The following SMAD1 variants were observed in gnomAD, a reference collection of about 807,000 sequenced individuals.
SMAD1 encodes MAD, mothers against decapentaplegic homolog 1.
A neutral mutation model predicts 41.6 loss-of-function variants in SMAD1; 6 were observed. That is an observed-to-expected ratio of 0.14 (90% CI 0.08 to 0.28). The LOEUF (loss-of-function observed/expected upper bound fraction) is 0.28. SMAD1 is among the 10% of genes least tolerant of loss of function. SMAD1 has a pLI of 1.00. For missense variants in SMAD1, 379 were observed against 582.6 expected (o/e 0.65, Z 3.60); for synonymous variants, 206 against 203.2 (o/e 1.01, Z -0.12).
intron 1 of SMAD1, among the ~76,000 whole-genome samples, chr4:145,486,769 T>C (rs1458403317): frequency 6.6e-6 from 1 of 152,218 alleles, no homozygotes; most frequent in Admixed American, 6.5e-5. Flanking sequence ...TTGGTTCATA[T>C]CAAGGTGAAC....
intron 6 of SMAD1, among the ~76,000 whole-genome samples, chr4:145,556,613 C>T (rs759667778): frequency 4.6e-5 from 7 of 151,994 alleles, no homozygotes; most frequent in Admixed American, 2.0e-4. Context: ...GTGTGGCCAC[C>T]GCACCCAGCT....
At position 145,553,940 on chromosome 4, in the gene SMAD1, A is replaced by G. The variant is rs1732697247; in HGVS notation, c.1154A>G (p.Asn385Ser). ...GGGTGTAGTCTGAAAATTTTTAACA[A>G]CCAAGAATTTGCTCAGTTATTGGCA... is the stretch of plus-strand genomic sequence containing the variant. ...PSGCSLKIFN[N>S]QEFAQLLAQS... Residue 385 changes from asparagine (N) to serine (S), a missense_variant, in exon 6 of 7, where the codon AAC becomes AGC. By Grantham distance (46) the Asn-to-Ser change is conservative (BLOSUM62 1). Around this residue, in one of 3 missense-constraint regions of SMAD1, gnomAD observed 107 missense variants for 218.3 expected, o/e 0.49. Coordinates refer to ENST00000302085, the MANE Select transcript of SMAD1 (RefSeq NM_005900.3). 1 of 1,613,974 alleles carries G rather than the reference A, an allele frequency of 6.2e-7. No homozygotes were observed.
intron 2 of SMAD1, among the ~76,000 whole-genome samples, chr4:145,534,966 C>T (rs932714454): frequency 6.6e-6 from 1 of 150,402 alleles, no homozygotes; most frequent in East Asian, 2.0e-4. Context: ...GTAAAATATC[C>T]ACAACATATA....
At chr4:145,495,810 A>G (rs548774164) in intron 1 of SMAD1, among the ~76,000 whole-genome samples, 2 of 143,630 alleles carry the variant, frequency 1.4e-5, no homozygotes, top group East Asian at 4.0e-4. Flanking sequence ...AATAAAGGCT[A>G]TGTTGCCCAG....
At chr4:145,494,024 T>A (rs1728919684) in intron 1 of SMAD1, among the ~76,000 whole-genome samples, 1 of 152,168 alleles carries the variant, frequency 6.6e-6, no homozygotes, top group Non-Finnish European at 1.5e-5. Flanking sequence ...TGCAGTGGCG[T>A]GATCTTGGCT....
intron 6 of SMAD1, among the ~76,000 whole-genome samples, chr4:145,554,414 G>C (rs1368172202): frequency 6.6e-6 from 1 of 151,672 alleles, no homozygotes; most frequent in Non-Finnish European, 1.5e-5. Context: ...TTCATTCTTT[G>C]TTTTTTGTAC....
chr4:145,530,114 A>G (rs944872487), intron 2 of SMAD1, among the ~76,000 whole-genome samples: 1 of 152,222 alleles, frequency 6.6e-6, no homozygotes, highest in African/African-American at 2.4e-5. Flanking sequence ...AAGAAAGAAA[A>G]TCAGTTCTAC....
chr4:145,505,597 C>T (rs1018525508), intron 1 of SMAD1, among the ~76,000 whole-genome samples: 60 of 143,564 alleles, frequency 4.2e-4, no homozygotes, highest in African/African-American at 1.5e-3. Flanking sequence ...GCAGCCTGGG[C>T]GACAGAGCAA....
chr4:145,536,463 C>A (rs1731619134), intron 2 of SMAD1, among the ~76,000 whole-genome samples: 1 of 152,100 alleles, frequency 6.6e-6, no homozygotes, highest in South Asian at 2.1e-4. Flanking sequence ...CTTGAACAGG[C>A]ACCCAATGGC....
Position 145,514,641 on chromosome 4 carries a change from A to G in SMAD1, c.28A>G (p.Thr10Ala). Residue 10 changes from threonine to alanine, a missense_variant, in exon 2 of 7, where the codon ACA becomes GCA. Transcript: ENST00000302085. This position sits in a 1 kb window ranked among gnomAD's most constrained non-coding sequence, Gnocchi z 4.7. Reference protein sequence around the residue: MNVTSLFSFTSPAVKRLLGW... With the variant: MNVTSLFSFASPAVKRLLGW... ...GAATGTGACAAGTTTATTTTCCTTT[A>G]CAAGTCCAGCTGTGAAGAGACTTCT... is the stretch of plus-strand genomic sequence containing the variant. 2 of 1,609,136 alleles carry G rather than the reference A, an allele frequency of 1.2e-6. No homozygotes were observed. Among genetic ancestry groups the G allele is most frequent in the African/African-American group, 1.3e-5 (1 of 74,450 alleles).
At chr4:145,502,628 A>G (rs573706286) in intron 1 of SMAD1, among the ~76,000 whole-genome samples, 79 of 152,386 alleles carry the variant, frequency 5.2e-4, no homozygotes, top group African/African-American at 1.8e-3. Context: ...ATTTTCTGAT[A>G]TAATGAAGAT....
At chr4:145,481,717 G>C (rs1325163008), upstream of SMAD1, 1 of 178,180 alleles carries the variant, frequency 5.6e-6, no homozygotes, top group Non-Finnish European at 1.1e-5. Flanking sequence ...AGGATCCCTG[G>C]TCGCGCGGCA....
In SMAD1 at chr4:145,514,404, AG is replaced by A. The variant is rs1473245337; in HGVS notation, c.-176-33del. On this transcript the variant is annotated intron_variant, in intron 1 of 6. Coordinates refer to ENST00000302085, the MANE Select transcript of SMAD1 (RefSeq NM_005900.3). This position sits in a 1 kb window ranked among gnomAD's most constrained non-coding sequence, Gnocchi z 4.7. The stretch of plus-strand genomic sequence containing the variant: ...CTTAATAAATGTGGTTGTATGGTAA[AG>A]ATGATTCTAACCATTCTTTTTTTGT... The A allele has an allele frequency of 1.8e-5, 9 of 509,476 alleles. No individual in the cohort carries two copies. Among genetic ancestry groups the A allele is most frequent in the Non-Finnish European group, 3.1e-5 (9 of 292,178 alleles). The allele number at this position is 509,476 out of a possible 1,614,324, so 31.6% of individuals were successfully genotyped here.
intron 2 of SMAD1, among the ~76,000 whole-genome samples, chr4:145,531,958 G>A (rs73852335): frequency 0.037 from 5,618 of 152,076 alleles, 320 homozygotes; most frequent in African/African-American, 0.11. Flanking sequence ...GTCAGACTTT[G>A]TCTCATTACT....
intron 5 of SMAD1, among the ~76,000 whole-genome samples, chr4:145,548,419 C>CT (rs1175193413): frequency 2.0e-5 from 3 of 151,954 alleles, no homozygotes; most frequent in African/African-American, 7.3e-5. Flanking sequence ...TTAGTACAGT[C>CT]TGAGTTTTAC....
At chr4:145,555,621 AT>A (rs1242100442) in intron 6 of SMAD1, among the ~76,000 whole-genome samples, 1 of 152,206 alleles carries the variant, frequency 6.6e-6, no homozygotes, top group Non-Finnish European at 1.5e-5. Context: ...ATCAATTTTA[AT>A]TATTTTACTT....
chr4:145,510,173 T>C (rs2126385275), intron 1 of SMAD1, among the ~76,000 whole-genome samples: 1 of 152,292 alleles, frequency 6.6e-6, no homozygotes, highest in South Asian at 2.1e-4. Flanking sequence ...AATTTGTGCC[T>C]TCTCTTTTTT....
intron 2 of SMAD1, among the ~76,000 whole-genome samples, chr4:145,524,293 C>A (rs1227635549): frequency 1.3e-5 from 2 of 152,026 alleles, no homozygotes; most frequent in African/African-American, 4.8e-5. Context: ...AGTGTTAAAT[C>A]CTAGGCAAAT....
At chr4:145,497,721 A>G (rs1265733178) in intron 1 of SMAD1, 1 of 152,218 alleles carries the variant, frequency 6.6e-6, no homozygotes, top group Non-Finnish European at 1.5e-5. Context: ...TCAGAGGTAG[A>G]AAGGACTAGA....
Sources: gnomAD v4.1 joint callset for allele counts (sites outside exome capture counted in the v4.1 genomes callset) on GRCh38, gnomAD v4.1.1 for gene constraint, gnomAD v4.1.1 regional missense constraint, Gnocchi (gnomAD v3.1) non-coding constraint, MANE v1.5 for transcripts, NCBI Gene and HGNC (gene_info 2026-07-23, HGNC 2026-07-21) for gene names.